The following KCNIP4 variants were observed in gnomAD, a reference collection of about 807,000 sequenced individuals.
The protein encoded by KCNIP4 is potassium voltage-gated channel interacting protein 4, also known as Kv channel-interacting protein 4.
In KCNIP4, 12 loss-of-function variants were observed where a neutral mutation model predicts 34.0. That is an observed-to-expected ratio of 0.35 (90% CI 0.23 to 0.57). KCNIP4 has a LOEUF of 0.57. KCNIP4 is among the 20% of genes least tolerant of loss of function. KCNIP4 has a pLI of 0.83. For missense variants in KCNIP4, 238 were observed against 311.7 expected, an observed-to-expected ratio of 0.76 and a Z score of 1.78; for synonymous variants, 124 against 102.2, an observed-to-expected ratio of 1.21 and a Z score of -1.29.
intron 1 of KCNIP4, among the ~76,000 whole-genome samples, chr4:21,630,434 G>A (rs1745673854): frequency 6.7e-6 from 1 of 148,626 alleles, no homozygotes; most frequent in South Asian, 2.1e-4. Flanking sequence ...ACTCCAGCCT[G>A]GCAACAGAGG....
At chr4:21,494,769 T>G (rs1398146825) in intron 1 of KCNIP4, among the ~76,000 whole-genome samples, 1 of 123,102 alleles carries the variant, frequency 8.1e-6, no homozygotes, top group African/African-American at 3.4e-5. Context: ...AGAGTCAGAC[T>G]GTGTAAAAAA....
chr4:21,862,699 C>T (rs553160617), intron 1 of KCNIP4, among the ~76,000 whole-genome samples: 16 of 152,278 alleles, frequency 1.1e-4, no homozygotes, highest in African/African-American at 3.6e-4. Flanking sequence ...AGGGGCCCAG[C>T]GTGGTGGCTC....
At chr4:21,036,344 T>G (rs1741441048) in intron 1 of KCNIP4, among the ~76,000 whole-genome samples, 3 of 152,180 alleles carry the variant, frequency 2.0e-5, no homozygotes, top group African/African-American at 7.2e-5. Context: ...TTATTACATT[T>G]TATGCTAAGC....
At chr4:21,474,600 T>C (rs893345156) in intron 1 of KCNIP4, among the ~76,000 whole-genome samples, 1 of 152,106 alleles carries the variant, frequency 6.6e-6, no homozygotes, top group African/African-American at 2.4e-5. Context: ...ATAGTGATCA[T>C]ACCTTTCTGC....
intron 1 of KCNIP4, among the ~76,000 whole-genome samples, chr4:21,414,403 A>C (rs768406662): frequency 1.2e-4 from 18 of 152,230 alleles, no homozygotes; most frequent in Non-Finnish European, 2.4e-4. Flanking sequence ...CACATGTATC[A>C]GGATGGCTAT....
rs1326929520 is a variant in KCNIP4, at chr4:21,789,849, C to T, written c.61+158722G>A. ...AAACATGATGTCTAAGGCAACCCAC[C>T]CAAGTTGGGCCTTCCAAACTATTAC... On this transcript the variant is annotated intron_variant, in intron 1 of 8. Transcript: ENST00000382152. Among the ~76,000 whole-genome samples, 4 of 152,098 alleles carry T rather than the reference C, an allele frequency of 2.6e-5. No homozygotes were observed. The East Asian group carries it at 7.7e-4, about 29-fold the overall frequency.
At chr4:21,426,711 A>T (rs1725957156) in intron 1 of KCNIP4, among the ~76,000 whole-genome samples, 1 of 152,068 alleles carries the variant, frequency 6.6e-6, no homozygotes, top group Non-Finnish European at 1.5e-5. Context: ...ACAAATATTT[A>T]TTGAGCATCT....
chr4:21,476,468 C>T (rs1730985451), intron 1 of KCNIP4, among the ~76,000 whole-genome samples: 1 of 152,096 alleles, frequency 6.6e-6, no homozygotes, highest in South Asian at 2.1e-4. Context: ...GATGTTTCTC[C>T]CCTAAGGCCC....
intron 1 of KCNIP4, among the ~76,000 whole-genome samples, chr4:21,292,120 T>C (rs933799972): frequency 2.6e-5 from 4 of 152,188 alleles, no homozygotes; most frequent in African/African-American, 9.7e-5. Flanking sequence ...ATTTTCAACA[T>C]AATAAATAAA....
intron 1 of KCNIP4, among the ~76,000 whole-genome samples, chr4:21,763,185 T>C (rs1718175305): frequency 6.6e-6 from 1 of 152,138 alleles, no homozygotes; most frequent in Non-Finnish European, 1.5e-5. Context: ...TTGCCCAGAT[T>C]ATCATTTTAA....
Position 21,364,062 on chromosome 4 carries a change from C to T in KCNIP4, c.62-481353G>A, listed in dbSNP as rs1468886758. Among the ~76,000 whole-genome samples the T allele has an allele frequency of 1.2e-4, 19 of 152,110 alleles. 1 individual carries two copies. On this transcript the variant is annotated intron_variant, in intron 1 of 8. Transcript: ENST00000382152. ...CTTTATTCTAAGAAAATGTGAGCCTCATAAGTTATCTCTGCCTTGATGATC... is the reference window on the plus strand; with the variant it reads ...CTTTATTCTAAGAAAATGTGAGCCTTATAAGTTATCTCTGCCTTGATGATC...
intron 1 of KCNIP4, among the ~76,000 whole-genome samples, chr4:21,674,355 A>G (rs1749724430): frequency 6.6e-6 from 1 of 152,188 alleles, no homozygotes; most frequent in South Asian, 2.1e-4. Context: ...TAATCCAAAT[A>G]AGCTTTTTGC....
intron 1 of KCNIP4, among the ~76,000 whole-genome samples, chr4:21,618,150 T>C (rs1744729559): frequency 6.6e-6 from 1 of 152,124 alleles, no homozygotes; most frequent in Non-Finnish European, 1.5e-5. Context: ...ATCAGTTCAG[T>C]TTGCTGTGGT....
chr4:20,848,636 T>G (rs974074680), intron 3 of KCNIP4, among the ~76,000 whole-genome samples: 1 of 152,100 alleles, frequency 6.6e-6, no homozygotes, highest in Non-Finnish European at 1.5e-5. Flanking sequence ...TTCCAATTTA[T>G]AGCAAATGCA....
intron 1 of KCNIP4, among the ~76,000 whole-genome samples, chr4:21,255,107 T>C (rs1760976520): frequency 6.6e-6 from 1 of 152,074 alleles, no homozygotes; most frequent in Non-Finnish European, 1.5e-5. Flanking sequence ...GCTGTTGCAT[T>C]TAATCTTTGC....
intron 1 of KCNIP4, among the ~76,000 whole-genome samples, chr4:21,102,816 G>A (rs1307537358): frequency 6.6e-6 from 1 of 152,102 alleles, no homozygotes; most frequent in African/African-American, 2.4e-5. Context: ...TACTTTTAAT[G>A]ATGCAAAAGT....
chr4:21,393,988 T>G (rs1314979668), intron 1 of KCNIP4, among the ~76,000 whole-genome samples: 1 of 152,186 alleles, frequency 6.6e-6, no homozygotes, highest in African/African-American at 2.4e-5. Context: ...AAGTGTTGGT[T>G]CAATCCCTAC....
intron 1 of KCNIP4, among the ~76,000 whole-genome samples, chr4:20,987,131 A>C (rs1239546347): frequency 6.6e-6 from 1 of 152,174 alleles, no homozygotes; most frequent in African/African-American, 2.4e-5. Context: ...TCTTGGAAAG[A>C]AGAGTTGCCT....
Position 21,416,078 on chromosome 4 carries a change from C to T in KCNIP4, c.61+532493G>A, listed in dbSNP as rs899919964. 3.0e-4 allele frequency among the ~76,000 whole-genome samples: 45 copies of T among 152,200 alleles called. 1 individual carries two copies. Among genetic ancestry groups the T allele is most frequent in the Admixed American group, 2.9e-3 (45 of 15,284 alleles). On this transcript the variant is annotated intron_variant, in intron 1 of 8. Coordinates refer to ENST00000382152, the MANE Select transcript of KCNIP4 (RefSeq NM_025221.6). ...CACAGCCATGTGCATTATTCTGGGG[C>T]TAAGAAAAGCAGTTGCTTTAGCTCC... is the stretch of plus-strand genomic sequence containing the variant.
Sources: allele counts gnomAD v4.1 joint callset (sites outside exome capture counted in the v4.1 genomes callset), GRCh38; gene constraint gnomAD v4.1.1; transcripts MANE v1.5; gene names NCBI Gene and HGNC (gene_info 2026-07-23, HGNC 2026-07-21).